SDHB: variants seen among roughly 807,000 people sequenced by gnomAD.
SDHB encodes the protein succinate dehydrogenase [ubiquinone] iron-sulfur subunit, mitochondrial.
A neutral mutation model predicts 39.7 loss-of-function variants in SDHB; 21 were observed. That is an observed-to-expected ratio of 0.53 (90% confidence interval 0.37 to 0.76). The LOEUF (loss-of-function observed/expected upper bound fraction) is 0.76, where lower values mean the gene tolerates loss of function less well. Among genes scored for constraint, SDHB ranks in the 30% least tolerant of loss-of-function variants. The pLI is 0.00. For missense variants in SDHB, 343 were observed against 350.9 expected (o/e 0.98, Z 0.18); for synonymous variants, 118 against 117.0 (o/e 1.01, Z -0.06).
chr1:17,038,291 T>C (rs533715166), intron 2 of SDHB, among the ~76,000 whole-genome samples: 2 of 152,360 alleles, frequency 1.3e-5, no homozygotes, highest in South Asian at 4.1e-4. Context: ...TCTTTCTTTT[T>C]CTCACCCAAT....
At chr1:17,031,694 T>C (rs995650623) in intron 3 of SDHB, among the ~76,000 whole-genome samples, 4 of 152,300 alleles carry the variant, frequency 2.6e-5, no homozygotes, top group East Asian at 1.9e-4. Flanking sequence ...GCTGAACAGA[T>C]AAAAAGCCAT....
chr1:17,038,810 TTC>T (rs1397170535), intron 2 of SDHB, among the ~76,000 whole-genome samples: 4 of 152,226 alleles, frequency 2.6e-5, no homozygotes, highest in African/African-American at 9.6e-5. Flanking sequence ...TATTTATTTA[TTC>T]TGTTAAAATA....
At chr1:17,027,311 A>G (rs537612104) in intron 5 of SDHB, among the ~76,000 whole-genome samples, 12 of 152,352 alleles carry the variant, frequency 7.9e-5, no homozygotes, top group African/African-American at 2.9e-4. Context: ...TGGTGTCAGG[A>G]AAGAATATCG....
At chr1:17,045,003 T>TA in intron 1 of SDHB, 115 bp from the exon 2 acceptor site, 2 of 882,650 alleles carry the variant, frequency 2.3e-6, no homozygotes, top group Non-Finnish European at 3.6e-6. Flanking sequence ...TACTGACACA[T>TA]AATCTTCTTA....
At chr1:17,031,649 A>G (rs1264945881) in intron 3 of SDHB, among the ~76,000 whole-genome samples, 2 of 152,236 alleles carry the variant, frequency 1.3e-5, no homozygotes, top group African/African-American at 2.4e-5. Flanking sequence ...ATCAAAACAG[A>G]TGTCTTAAAA....
chr1:17,028,206 C>A (rs1420376790), intron 4 of SDHB, among the ~76,000 whole-genome samples: 1 of 152,240 alleles, frequency 6.6e-6, no homozygotes, highest in African/African-American at 2.4e-5. Flanking sequence ...GCTTTCCCAA[C>A]TGGCATTTTC....
chr1:17,023,824 A>G, intron 6 of SDHB, 149 bp downstream of exon 6: 1 of 702,034 alleles, frequency 1.4e-6, no homozygotes, highest in Non-Finnish European at 2.6e-6. Flanking sequence ...GCAAGTGAAT[A>G]CAATGCAACC....
intron 6 of SDHB, 179 bp from the exon 7 acceptor site, chr1:17,022,909 C>T: frequency 1.3e-6 from 1 of 748,066 alleles, no homozygotes; most frequent in Non-Finnish European, 2.2e-6. Flanking sequence ...CTTGTAGCTT[C>T]ACTTGATTAA....
chr1:17,028,991 A>G (rs1265776962), intron 3 of SDHB, among the ~76,000 whole-genome samples: 1 of 149,480 alleles, frequency 6.7e-6, no homozygotes, highest in Non-Finnish European at 1.5e-5. Context: ...CATGCCAAGT[A>G]TGGCACTGGA....
Position 17,044,869 on chromosome 1 carries a change from G to C in SDHB, c.92C>G (p.Thr31Arg). ...GATACGGGGAGCTGTGGCTGCAGCT[G>C]TCTGGGCTCCTCGGGAGGCCTGAAA... is the stretch of plus-strand genomic sequence containing the variant. ...ACLQASRGAQTAAATAPRIKK... is the reference protein window; with the variant it reads ...ACLQASRGAQRAAATAPRIKK... The change falls in exon 2 of 8, where the codon ACA becomes AGA. Residue 31 changes from threonine (T) to arginine (R), a missense_variant. Physicochemically the swap from Thr to Arg is moderately conservative, Grantham distance 71. Coordinates refer to ENST00000375499, the MANE Select transcript of SDHB (RefSeq NM_003000.3). The C allele has an allele frequency of 6.2e-7, 1 of 1,613,956 alleles. No individual in the cohort carries two copies. The highest frequency in any genetic ancestry group is 8.5e-7 in the Non-Finnish European group (1 of 1,179,982).
chr1:17,052,108 A>T (rs1011574804), intron 1 of SDHB: 7 of 152,222 alleles, frequency 4.6e-5, no homozygotes, highest in African/African-American at 7.2e-5. Context: ...TGGCCTCCCA[A>T]AGTGCTGGAA....
intron 2 of SDHB, among the ~76,000 whole-genome samples, chr1:17,042,084 G>T (rs923228033): frequency 5.9e-5 from 9 of 152,050 alleles, no homozygotes; most frequent in Non-Finnish European, 1.3e-4. Flanking sequence ...ACCATGCCTG[G>T]CTAATTTTTA....
intron 1 of SDHB, among the ~76,000 whole-genome samples, chr1:17,048,955 C>T (rs1238336595): frequency 3.9e-5 from 6 of 152,116 alleles, no homozygotes; most frequent in African/African-American, 1.4e-4. Context: ...AGGTGATCCG[C>T]CTGCCTTGGC....
At chr1:17,028,507 A>G (rs1251598836) in intron 4 of SDHB, 93 bp downstream of exon 4, 1 of 1,404,288 alleles carries the variant, frequency 7.1e-7, no homozygotes, top group Non-Finnish European at 1.0e-6. Context: ...TAAATACTCA[A>G]ACAAATCCTG....
At chr1:17,036,299 A>AT (rs2078049936) in intron 2 of SDHB, among the ~76,000 whole-genome samples, 1 of 152,092 alleles carries the variant, frequency 6.6e-6, no homozygotes, top group South Asian at 2.1e-4. Flanking sequence ...TTTTCAGCAT[A>AT]TAAGTCTTTT....
rs1182998682 is a variant in SDHB at position 17,054,005 on chromosome 1, G to A, written c.15C>T (p.Val5=). The part of the protein sequence containing the change: MAAV[V]ALSLRRRLPA... Reference sequence around the variant, plus strand: ...GCAACCGGCGCCTCAAGGAGAGGGCGACCACCGCCGCCATCTTGGCTCCTG... The same window carrying A: ...GCAACCGGCGCCTCAAGGAGAGGGCAACCACCGCCGCCATCTTGGCTCCTG... Residue 5 remains valine, a synonymous_variant, in exon 1 of 8, where the codon GTC becomes GTT. Transcript: ENST00000375499. 6 of 1,610,542 alleles carry A rather than the reference G, an allele frequency of 3.7e-6. No individual in the cohort carries two copies. The African/African-American group carries it at 4.0e-5, about 11-fold the overall frequency.
chr1:17,044,857 G>GT lies in SDHB; in HGVS notation c.103dup (p.Thr35AsnfsTer28). 6.2e-7 allele frequency: 1 copy of GT among 1,614,010 alleles called. No individual in the cohort carries two copies. The highest frequency in any genetic ancestry group is 8.5e-7 in the Non-Finnish European group (1 of 1,179,998). ...GGCAAATTTCTTGATACGGGGAGCT[G>GT]TGGCTGCAGCTGTCTGGGCTCCTCG... On this transcript the variant is annotated frameshift_variant, in exon 2 of 8. Transcript: ENST00000375499. LOFTEE classifies it high-confidence loss of function.
chr1:17,043,918 A>C (rs906337160), intron 2 of SDHB, among the ~76,000 whole-genome samples: 1 of 152,220 alleles, frequency 6.6e-6, no homozygotes, highest in Non-Finnish European at 1.5e-5. Flanking sequence ...TCCAGAAAGG[A>C]ATGCAGCCTG....
chr1:17,031,423 A>AT (rs1289603412), intron 3 of SDHB, among the ~76,000 whole-genome samples: 3 of 151,970 alleles, frequency 2.0e-5, no homozygotes, highest in South Asian at 2.1e-4. Context: ...ATTCTGCTTT[A>AT]TTTTTTTTAG....
Sources: gnomAD v4.1 joint callset for allele counts (sites outside exome capture counted in the v4.1 genomes callset) on GRCh38, gnomAD v4.1.1 for gene constraint, MANE v1.5 for transcripts, NCBI Gene and HGNC (gene_info 2026-07-23, HGNC 2026-07-21) for gene names.